The following LRP1B variants were observed in gnomAD, a reference collection of about 807,000 sequenced individuals.
LRP1B encodes low-density lipoprotein receptor-related protein 1B.
A neutral mutation model predicts 556.6 loss-of-function variants in LRP1B; 217 were observed. That is an observed-to-expected ratio of 0.39 (90% CI 0.35 to 0.44). The LOEUF (loss-of-function observed/expected upper bound fraction) is 0.44. LRP1B is among the 20% of genes least tolerant of loss of function. LRP1B has a pLI of 1.00. For missense variants in LRP1B, 5,053 were observed against 5,620.8 expected, an observed-to-expected ratio of 0.90 and a Z score of 3.23; for synonymous variants, 2,047 against 1,865.8, an observed-to-expected ratio of 1.10 and a Z score of -2.50.
At chr2:140,357,886 G>A (rs2105134064) in intron 74 of LRP1B, 93 bp downstream of exon 74, 1 of 1,408,362 alleles carries the variant, frequency 7.1e-7, no homozygotes, top group Non-Finnish European at 9.7e-7. Context: ...ATACTTTGAA[G>A]AGCAATATTT....
At chr2:141,658,742 T>C (rs186891559) in intron 2 of LRP1B, among the ~76,000 whole-genome samples, 208 of 152,278 alleles carry the variant, frequency 1.4e-3, no homozygotes, top group African/African-American at 4.8e-3. Context: ...CAAAATCTTA[T>C]CATTGTTTGT....
intron 87 of LRP1B, among the ~76,000 whole-genome samples, chr2:140,242,353 C>A (rs1197400706): frequency 6.6e-6 from 1 of 151,116 alleles, no homozygotes; most frequent in African/African-American, 2.4e-5. Context: ...CAATATAATG[C>A]ATCAGTTTGT....
At chr2:142,105,276 T>A (rs1362262839) in intron 1 of LRP1B, among the ~76,000 whole-genome samples, 1 of 152,204 alleles carries the variant, frequency 6.6e-6, no homozygotes, top group Non-Finnish European at 1.5e-5. Context: ...TCTTTGGGTT[T>A]CTAAAAAGGT....
intron 17 of LRP1B, among the ~76,000 whole-genome samples, chr2:140,986,430 A>G (rs1356981337): frequency 1.3e-5 from 2 of 152,248 alleles, no homozygotes; most frequent in South Asian, 2.1e-4. Context: ...TGGCCAAATC[A>G]CCTTCCAAGA....
chr2:140,748,685 G>A (rs1232957681), intron 35 of LRP1B, among the ~76,000 whole-genome samples: 1 of 117,680 alleles, frequency 8.5e-6, no homozygotes, highest in Non-Finnish European at 1.7e-5. Flanking sequence ...ATTATTGCTA[G>A]GAATTTTTTA....
intron 53 of LRP1B, among the ~76,000 whole-genome samples, chr2:140,505,236 A>G (rs1033428292): frequency 6.6e-6 from 1 of 151,846 alleles, no homozygotes; most frequent in African/African-American, 2.4e-5. Flanking sequence ...CATACTTTAC[A>G]GATGGAAAAC....
chr2:140,445,220 A>G (rs1381233580), intron 63 of LRP1B, among the ~76,000 whole-genome samples: 1 of 151,902 alleles, frequency 6.6e-6, no homozygotes, highest in Non-Finnish European at 1.5e-5. Context: ...TGTCCAAGCA[A>G]TTCTACTGCC....
In LRP1B at chr2:140,903,715, T is replaced by G. The variant is rs138764941; in HGVS notation, c.3521-550A>C. 2.7e-3 allele frequency among the ~76,000 whole-genome samples: 412 copies of G among 152,082 alleles called. 3 individuals carry two copies. The highest frequency in any genetic ancestry group is 9.7e-3 in the African/African-American group (402 of 41,518). On this transcript the variant is annotated intron_variant, in intron 22 of 90. Coordinates refer to ENST00000389484, the MANE Select transcript of LRP1B (RefSeq NM_018557.3). ...TTTATCCTTTACCAGCTGTAGGCAT[T>G]TATTTTTAAGTTAGGTGAATTATAC...
intron 20 of LRP1B, among the ~76,000 whole-genome samples, chr2:140,930,371 G>T (rs1351352963): frequency 6.6e-6 from 1 of 151,948 alleles, no homozygotes; most frequent in Non-Finnish European, 1.5e-5. Context: ...ACTGCTAGTA[G>T]AATTTATTCC....
chr2:140,458,814 T>C (rs1222646490), intron 60 of LRP1B, among the ~76,000 whole-genome samples: 1 of 151,998 alleles, frequency 6.6e-6, no homozygotes, highest in Non-Finnish European at 1.5e-5. Flanking sequence ...CTAAAGTAAA[T>C]ATTTTAAATT....
At chr2:140,783,005 G>A (rs1189955997) in intron 32 of LRP1B, among the ~76,000 whole-genome samples, 2 of 152,070 alleles carry the variant, frequency 1.3e-5, no homozygotes, top group Non-Finnish European at 2.9e-5. Flanking sequence ...TGCCCTATTC[G>A]AAAATAGTCT....
chr2:140,601,658 GA>G lies in LRP1B; in HGVS notation c.6800-20del. 1.3e-6 allele frequency: 2 copies of G among 1,523,346 alleles called. No homozygotes were observed. Among genetic ancestry groups the G allele is most frequent in the Non-Finnish European group, 1.8e-6 (2 of 1,126,602 alleles). The allele number at this position is 1,523,346 out of a possible 1,614,324, so 94.4% of individuals were successfully genotyped here. ...CCCACATCTAGTGGGGGAAGAAAAA[GA>G]AAAAATATATACTTTTATTTACAAA... On this transcript the variant is annotated intron_variant, in intron 41 of 90. Coordinates refer to ENST00000389484, the MANE Select transcript of LRP1B (RefSeq NM_018557.3).
chr2:141,204,500 T>C (rs1289123816), intron 6 of LRP1B, among the ~76,000 whole-genome samples: 2 of 152,140 alleles, frequency 1.3e-5, no homozygotes, highest in Admixed American at 6.5e-5. Flanking sequence ...CAAATAGAAA[T>C]TGGGGTGTTA....
chr2:141,317,458 T>C (rs1206017319), intron 3 of LRP1B, among the ~76,000 whole-genome samples: 1 of 152,116 alleles, frequency 6.6e-6, no homozygotes, highest in East Asian at 1.9e-4. Context: ...CCATATTGAA[T>C]TAGGGTCCCA....
intron 2 of LRP1B, among the ~76,000 whole-genome samples, chr2:141,725,358 A>G (rs943977189): frequency 5.3e-5 from 8 of 151,904 alleles, no homozygotes; most frequent in African/African-American, 1.9e-4. Context: ...TGTATCAATA[A>G]TTTGTCCAAG....
At chr2:140,440,621 G>A (rs1259474084) in intron 66 of LRP1B, among the ~76,000 whole-genome samples, 1 of 152,044 alleles carries the variant, frequency 6.6e-6, no homozygotes, top group Non-Finnish European at 1.5e-5. Context: ...AAAAATAAGG[G>A]GTGTGAAATG....
chr2:140,955,364 T>C (rs989007897), intron 18 of LRP1B, among the ~76,000 whole-genome samples: 4 of 151,908 alleles, frequency 2.6e-5, no homozygotes, highest in Non-Finnish European at 4.4e-5. Context: ...TTACGAATTC[T>C]TATATTTGAC....
chr2:140,865,410 A>T (rs1692918517), intron 27 of LRP1B, among the ~76,000 whole-genome samples: 1 of 152,036 alleles, frequency 6.6e-6, no homozygotes, highest in South Asian at 2.1e-4. Context: ...ATTATTCACC[A>T]GAATACGGGC....
At chr2:141,437,929 C>G (rs1407189930) in intron 3 of LRP1B, among the ~76,000 whole-genome samples, 2 of 152,132 alleles carry the variant, frequency 1.3e-5, no homozygotes, top group East Asian at 3.9e-4. Context: ...ATTTAAAATT[C>G]AAGTAATTGT....
Sources: gnomAD v4.1 joint callset for allele counts (sites outside exome capture counted in the v4.1 genomes callset) on GRCh38, gnomAD v4.1.1 for gene constraint, MANE v1.5 for transcripts, NCBI Gene and HGNC (gene_info 2026-07-23, HGNC 2026-07-21) for gene names.